SLC24A2: variants seen among roughly 807,000 people sequenced by gnomAD.
SLC24A2 encodes the protein sodium/potassium/calcium exchanger 2.
In SLC24A2, 36 loss-of-function variants were observed where a neutral mutation model predicts 62.0. The observed-to-expected ratio is 0.58, with a 90% CI of 0.44 to 0.77. The LOEUF (loss-of-function observed/expected upper bound fraction) is 0.77. Among genes scored for constraint, SLC24A2 ranks in the 30% least tolerant of loss-of-function variants. The pLI, the probability that SLC24A2 is intolerant of heterozygous loss-of-function variation, is 0.00. For synonymous variants in SLC24A2, 358 were observed against 294.0 expected (o/e 1.22, Z -2.23); for missense variants, 846 against 817.9 (o/e 1.03, Z -0.42).
the SLC24A2 span, among the ~76,000 whole-genome samples, chr9:20,296,550 G>T: frequency 2.6e-5 from 4 of 152,216 alleles, no homozygotes; most frequent in Admixed American, 1.3e-4. Flanking sequence ...AAGATGTAAA[G>T]AATTTATCTT....
At chr9:20,078,125 C>A in the SLC24A2 span, among the ~76,000 whole-genome samples, 2 of 152,112 alleles carry the variant, frequency 1.3e-5, no homozygotes, top group African/African-American at 2.4e-5. Context: ...GCTTGATTAA[C>A]CTATAGGCTG....
chr9:20,236,230 A>T, the SLC24A2 span, among the ~76,000 whole-genome samples: 1 of 152,206 alleles, frequency 6.6e-6, no homozygotes, highest in African/African-American at 2.4e-5. Context: ...CTTTGTCCTT[A>T]GTTTGTTTTC....
At chr9:20,073,704 A>G in the SLC24A2 span, among the ~76,000 whole-genome samples, 4 of 151,974 alleles carry the variant, frequency 2.6e-5, no homozygotes, top group African/African-American at 7.2e-5. Flanking sequence ...CATTTTTTCC[A>G]TAAAGTCTTA....
At chr9:19,940,221 C>T in the SLC24A2 span, among the ~76,000 whole-genome samples, 3 of 152,206 alleles carry the variant, frequency 2.0e-5, no homozygotes, top group Non-Finnish European at 2.9e-5. Context: ...TAAGAGGCAT[C>T]TGGTAGCTCT....
chr9:20,009,383 CAAAAAAAAAAAAA>C, the SLC24A2 span, among the ~76,000 whole-genome samples: 56,688 of 112,736 alleles, frequency 0.5, 11,564 homozygotes, highest in Non-Finnish European at 0.57. Flanking sequence ...AACTCTGTCT[CAAAAAAAAAAAAA>C]AAAAAAAAAG....
intron 2 of SLC24A2, among the ~76,000 whole-genome samples, chr9:19,776,315 T>C (rs917229945): frequency 6.6e-6 from 1 of 152,246 alleles, no homozygotes; most frequent in African/African-American, 2.4e-5. Context: ...GCCATTTAAA[T>C]ATCACTAAAT....
rs58616827 is a variant in SLC24A2 at position 19,673,444 on chromosome 9, C to CGTGTGTGT, written c.931-51153_931-51146dup. On this transcript the variant is annotated intron_variant, in intron 2 of 10. Coordinates refer to ENST00000341998, the MANE Select transcript of SLC24A2 (RefSeq NM_020344.4). ...GTTCTTGTGTGTGTATGTGTGTGTG[C>CGTGTGTGT]GTGTGTGTGTGTGTGTGTGTTTGAG... Among the ~76,000 whole-genome samples the CGTGTGTGT allele has an allele frequency of 4.0e-3, 519 of 129,842 alleles. 33 individuals are homozygous for CGTGTGTGT. In the East Asian group the frequency reaches 0.043, roughly 11 times the overall value. 85.2% of individuals were successfully genotyped at this position (129,842 alleles called of 152,430 possible).
At chr9:19,676,173 T>G (rs1002286993) in intron 2 of SLC24A2, among the ~76,000 whole-genome samples, 1 of 152,182 alleles carries the variant, frequency 6.6e-6, no homozygotes, top group African/African-American at 2.4e-5. Flanking sequence ...TGTTCAGGGG[T>G]GGATGATCCC....
chr9:20,194,098 C>T, the SLC24A2 span, among the ~76,000 whole-genome samples: 2 of 151,446 alleles, frequency 1.3e-5, no homozygotes, highest in Admixed American at 1.3e-4. Context: ...TTTGGGAAAA[C>T]AAAAGTAAGC....
intron 2 of SLC24A2, among the ~76,000 whole-genome samples, chr9:19,657,481 T>C (rs1050973215): frequency 6.6e-6 from 1 of 152,134 alleles, no homozygotes; most frequent in East Asian, 1.9e-4. Context: ...CCCATCAACC[T>C]GTCATCTAGG....
chr9:20,104,495 G>A, the SLC24A2 span, among the ~76,000 whole-genome samples: 1 of 152,212 alleles, frequency 6.6e-6, no homozygotes, highest in Non-Finnish European at 1.5e-5. Flanking sequence ...ACTAACAGTG[G>A]ATCTCTCAGC....
At chr9:20,012,885 T>G in the SLC24A2 span, among the ~76,000 whole-genome samples, 13 of 151,744 alleles carry the variant, frequency 8.6e-5, no homozygotes, top group Non-Finnish European at 1.9e-4. Context: ...TAATCACTGA[T>G]GACAGAACTT....
chr9:20,143,562 T>C, the SLC24A2 span, among the ~76,000 whole-genome samples: 1 of 152,146 alleles, frequency 6.6e-6, no homozygotes, highest in African/African-American at 2.4e-5. Context: ...ACAGACTGTG[T>C]TTTATACTTT....
At chr9:20,013,237 A>G in the SLC24A2 span, among the ~76,000 whole-genome samples, 4 of 152,010 alleles carry the variant, frequency 2.6e-5, no homozygotes, top group Non-Finnish European at 5.9e-5. Context: ...TTAAAAAAAA[A>G]ATAAGATAAA....
chr9:20,150,606 G>GAATATAAT, the SLC24A2 span, among the ~76,000 whole-genome samples: 8,397 of 151,736 alleles, frequency 0.055, 765 homozygotes, highest in African/African-American at 0.19. Context: ...TAGGAATCTA[G>GAATATAAT]CCTAAAAATA....
chr9:19,642,056 G>T (rs1005738326), intron 2 of SLC24A2, among the ~76,000 whole-genome samples: 2 of 152,136 alleles, frequency 1.3e-5, no homozygotes, highest in African/African-American at 4.8e-5. Flanking sequence ...GGAGGGAGGG[G>T]AAGTGTGTGT....
At chr9:19,986,540 T>A in the SLC24A2 span, among the ~76,000 whole-genome samples, 1 of 151,986 alleles carries the variant, frequency 6.6e-6, no homozygotes, top group African/African-American at 2.4e-5. Flanking sequence ...AGAACCCAAA[T>A]GTCCATCAGC....
intron 8 of SLC24A2, among the ~76,000 whole-genome samples, chr9:19,549,175 G>A (rs1270719268): frequency 6.6e-6 from 1 of 152,174 alleles, no homozygotes; most frequent in Non-Finnish European, 1.5e-5. Context: ...AAACATAGTC[G>A]ATTAAAGTAA....
the SLC24A2 span, among the ~76,000 whole-genome samples, chr9:19,847,941 C>A: frequency 6.6e-6 from 1 of 152,144 alleles, no homozygotes; most frequent in Non-Finnish European, 1.5e-5. Flanking sequence ...CCTCGGATGG[C>A]GGCAGAGGTT....
Sources: allele counts gnomAD v4.1 joint callset (sites outside exome capture counted in the v4.1 genomes callset), GRCh38; gene constraint gnomAD v4.1.1; transcripts MANE v1.5; gene names NCBI Gene and HGNC (gene_info 2026-07-23, HGNC 2026-07-21).